Variants in VWA8 observed in about 807,000 individuals in gnomAD.
VWA8 encodes von Willebrand factor A domain-containing protein 8.
Under a neutral mutation model 241.5 loss-of-function variants are expected in VWA8, and 221 were observed. That is an observed-to-expected ratio of 0.91 (90% CI 0.82 to 1.02). The LOEUF (loss-of-function observed/expected upper bound fraction) is 1.02. VWA8 is among the 50% of genes least tolerant of loss of function. VWA8 has a pLI of 0.00. For missense variants in VWA8, 2,322 were observed against 2,328.7 expected (o/e 1.00, Z 0.06); for synonymous variants, 852 against 827.1 (o/e 1.03, Z -0.52).
At chr13:41,789,906 A>G (rs1287023786) in intron 17 of VWA8, among the ~76,000 whole-genome samples, 2 of 152,186 alleles carry the variant, frequency 1.3e-5, no homozygotes, top group Non-Finnish European at 2.9e-5. Flanking sequence ...TATAAATTTA[A>G]TTGACTATAT....
intron 38 of VWA8, among the ~76,000 whole-genome samples, chr13:41,614,249 C>T (rs2044607202): frequency 6.6e-6 from 1 of 152,196 alleles, no homozygotes; most frequent in Admixed American, 6.5e-5. Flanking sequence ...AGGCACAGAC[C>T]ATCCTAAGGA....
chr13:41,885,000 C>T (rs1006265232), intron 8 of VWA8, among the ~76,000 whole-genome samples: 3 of 152,130 alleles, frequency 2.0e-5, no homozygotes, highest in Non-Finnish European at 2.9e-5. Context: ...CCCTCCTCCA[C>T]AGGGTCTCAC....
In VWA8 at chr13:41,752,725, G is replaced by A. The variant is rs147182142; in HGVS notation, c.2426+8403C>T. Among the ~76,000 whole-genome samples the A allele has an allele frequency of 6.6e-5, 10 of 152,276 alleles. No individual in the cohort carries two copies. In the East Asian group the frequency reaches 1.7e-3, roughly 26 times the overall value. ...CTAACACTTATTATGTTGCCTAAATGTTTAGGTATCTAAAGGTGCCAGACA... is the reference window on the plus strand; with the variant it reads ...CTAACACTTATTATGTTGCCTAAATATTTAGGTATCTAAAGGTGCCAGACA... On this transcript the variant is annotated intron_variant, in intron 21 of 44. Coordinates refer to ENST00000379310, the MANE Select transcript of VWA8 (RefSeq NM_015058.2).
chr13:41,728,144 C>A (rs2045451569), intron 23 of VWA8, among the ~76,000 whole-genome samples: 1 of 142,164 alleles, frequency 7.0e-6, no homozygotes, highest in African/African-American at 2.5e-5. Flanking sequence ...TTTGGAAGAG[C>A]CTACTCTCAT....
In VWA8 at chr13:41,567,711, A is replaced by G. The variant is rs1461612063; in HGVS notation, c.*486T>C. On this transcript the variant is annotated 3_prime_UTR_variant, in exon 45 of 45. Transcript: ENST00000379310. ...AAAATCATTGTTTTCTGGTCAATAC[A>G]GAGCAGGGAGAAAATAAAAATAATT... The G allele has an allele frequency of 1.3e-5, 2 of 152,796 alleles. No individual in the cohort carries two copies. The highest frequency in any genetic ancestry group is 2.1e-4 in the South Asian group (1 of 4,840). 9.5% of individuals were successfully genotyped at this position (152,796 alleles called of 1,614,324 possible). A position where few individuals can be genotyped will look rare whatever the true frequency, so the allele number is the denominator to read the frequency against.
chr13:41,750,198 G>C (rs780312629), intron 21 of VWA8, among the ~76,000 whole-genome samples: 5 of 151,996 alleles, frequency 3.3e-5, no homozygotes, highest in African/African-American at 1.2e-4. Flanking sequence ...ACTTTGGGAG[G>C]CTGAGGCGGG....
intron 41 of VWA8, among the ~76,000 whole-genome samples, chr13:41,588,632 G>A (rs2044435105): frequency 1.3e-5 from 2 of 151,602 alleles, no homozygotes; most frequent in South Asian, 4.2e-4. Context: ...AAGCTGAAAG[G>A]GTCACTTGAG....
At chr13:41,793,717 G>C (rs1184725056) in intron 17 of VWA8, among the ~76,000 whole-genome samples, 1 of 152,228 alleles carries the variant, frequency 6.6e-6, no homozygotes, top group East Asian at 1.9e-4. Flanking sequence ...TCAGAAGGCT[G>C]AGGCAGGAGA....
At chr13:41,773,865 C>T (rs952206304) in intron 20 of VWA8, among the ~76,000 whole-genome samples, 1 of 152,116 alleles carries the variant, frequency 6.6e-6, no homozygotes, top group Non-Finnish European at 1.5e-5. Context: ...TTTCATTATT[C>T]TGTCTTAGTG....
At position 41,611,730 on chromosome 13, in the gene VWA8, C is replaced by G; in HGVS notation, c.4723G>C (p.Gly1575Arg). 6.2e-7 allele frequency: 1 copy of G among 1,613,410 alleles called. No homozygotes were observed. The highest frequency in any genetic ancestry group is 8.5e-7 in the Non-Finnish European group (1 of 1,179,698). Residue 1575 changes from glycine (G) to arginine (R), a missense_variant and splice_region_variant, in exon 39 of 45, where the codon GGA becomes CGA. Physicochemically the swap from Gly to Arg is moderately radical, Grantham distance 125. Coordinates refer to ENST00000379310, the MANE Select transcript of VWA8 (RefSeq NM_015058.2). ...GGNTWAGGTGGRDTAGLGGKG... is the reference protein window; with the variant it reads ...GGNTWAGGTGRRDTAGLGGKG... Reference sequence around the variant, plus strand: ...CCACCCAGGCCTGCCGTGTCTCTTCCCCCTGGAAGGAAAACGTGGAAATTC... The same window carrying G: ...CCACCCAGGCCTGCCGTGTCTCTTCGCCCTGGAAGGAAAACGTGGAAATTC...
intron 40 of VWA8, 37 bp from the exon 41 acceptor site, chr13:41,590,802 T>C (rs375396840): frequency 6.2e-7 from 1 of 1,609,286 alleles, no homozygotes; most frequent in African/African-American, 1.3e-5. Flanking sequence ...AAGCCTTAAT[T>C]AGTTATGCAG....
At chr13:41,573,560 A>G (rs1050944563) in intron 43 of VWA8, among the ~76,000 whole-genome samples, 2 of 144,138 alleles carry the variant, frequency 1.4e-5, no homozygotes, top group African/African-American at 5.3e-5. Context: ...AAATATATAC[A>G]CGTATATATA....
chr13:41,784,697 C>CATACAT (rs1555335046), intron 18 of VWA8, among the ~76,000 whole-genome samples: 1 of 57,022 alleles, frequency 1.8e-5, no homozygotes, highest in Non-Finnish European at 3.7e-5. Flanking sequence ...TATACATATA[C>CATACAT]ATATATATAT....
intron 2 of VWA8, chr13:41,926,855 T>G: frequency 1.7e-6 from 1 of 576,444 alleles, no homozygotes; most frequent in Non-Finnish European, 3.5e-6. Flanking sequence ...TTCTTAATGA[T>G]ATCTGTGTGG....
chr13:41,870,267 A>G (rs1377979128), intron 9 of VWA8, among the ~76,000 whole-genome samples: 1 of 152,228 alleles, frequency 6.6e-6, no homozygotes, highest in Non-Finnish European at 1.5e-5. Flanking sequence ...TCATGAAAAA[A>G]AAAAAGTTCC....
chr13:41,650,778 T>C (rs2139687633), intron 37 of VWA8, among the ~76,000 whole-genome samples: 1 of 152,202 alleles, frequency 6.6e-6, no homozygotes, highest in African/African-American at 2.4e-5. Flanking sequence ...GATCAAGGCA[T>C]AGGGATGCCG....
intron 37 of VWA8, among the ~76,000 whole-genome samples, chr13:41,661,906 C>G (rs1200404175): frequency 6.6e-6 from 1 of 152,152 alleles, no homozygotes; most frequent in Non-Finnish European, 1.5e-5. Context: ...GTTGACTATC[C>G]TTTCTCCATT....
chr13:41,649,313 AT>A (rs2044853823), intron 37 of VWA8, among the ~76,000 whole-genome samples: 1 of 152,192 alleles, frequency 6.6e-6, no homozygotes, highest in Non-Finnish European at 1.5e-5. Context: ...TAAAATAAAT[AT>A]TTAACTTTTC....
At chr13:41,795,583 T>C (rs1869654919) in intron 17 of VWA8, among the ~76,000 whole-genome samples, 1 of 152,186 alleles carries the variant, frequency 6.6e-6, no homozygotes, top group Non-Finnish European at 1.5e-5. Context: ...AAACAAAATG[T>C]GGTACATATA....
Sources: allele counts gnomAD v4.1 joint callset (sites outside exome capture counted in the v4.1 genomes callset), GRCh38; gene constraint gnomAD v4.1.1; transcripts MANE v1.5; gene names NCBI Gene and HGNC (gene_info 2026-07-23, HGNC 2026-07-21).